The following ATP8B4 variants were observed in gnomAD, a reference collection of about 807,000 sequenced individuals.
The protein encoded by ATP8B4 is probable phospholipid-transporting ATPase IM.
Under a neutral mutation model 145.6 loss-of-function variants are expected in ATP8B4, and 133 were observed. The ratio of observed to expected loss-of-function variants is 0.91; its 90% CI spans 0.79 to 1.05. The LOEUF (loss-of-function observed/expected upper bound fraction) is 1.05. Among genes scored for constraint, ATP8B4 ranks in the 50% least tolerant of loss-of-function variants. The probability of loss-of-function intolerance (pLI) is 0.00; values close to 1 mark genes in which losing one functional copy is unlikely to be tolerated. For synonymous variants in ATP8B4, 507 were observed against 492.9 expected, an observed-to-expected ratio of 1.03 and a Z score of -0.38; for missense variants, 1,458 against 1,425.2, an observed-to-expected ratio of 1.02 and a Z score of -0.37.
chr15:50,005,020 G>C (rs868527362), intron 7 of ATP8B4, among the ~76,000 whole-genome samples: 5 of 152,302 alleles, frequency 3.3e-5, no homozygotes, highest in South Asian at 2.1e-4. Context: ...CAGGAGTAAA[G>C]AAGAGGAAAG....
chr15:49,939,864 A>T (rs1299460958), intron 14 of ATP8B4, among the ~76,000 whole-genome samples: 1 of 152,162 alleles, frequency 6.6e-6, no homozygotes, highest in African/African-American at 2.4e-5. Context: ...ACCATCTCAC[A>T]CCAGTCAGAA....
intron 20 of ATP8B4, among the ~76,000 whole-genome samples, chr15:49,901,595 G>A (rs897732658): frequency 2.6e-5 from 4 of 152,162 alleles, no homozygotes; most frequent in African/African-American, 9.7e-5. Context: ...TATCTGGCAG[G>A]CATGCTGTTA....
At chr15:49,944,189 CA>C (rs1363752747) in intron 14 of ATP8B4, among the ~76,000 whole-genome samples, 3 of 151,930 alleles carry the variant, frequency 2.0e-5, no homozygotes, top group Non-Finnish European at 4.4e-5. Flanking sequence ...AAATGAGTAA[CA>C]AAATGGTAAT....
rs1261006153 is a variant in ATP8B4, at chr15:50,176,549, T to G, written c.-43+5712A>C. ...ATATTTTTTAAATTAAATTAAAAAATAAAAAACAAAATAAATAATAAAATC... is the reference window on the plus strand; with the variant it reads ...ATATTTTTTAAATTAAATTAAAAAAGAAAAAACAAAATAAATAATAAAATC... On this transcript the variant is annotated intron_variant, in intron 1 of 3. Coordinates refer to the ATP8B4 transcript ENST00000558829. 2.6e-5 allele frequency among the ~76,000 whole-genome samples: 4 copies of G among 151,718 alleles called. No individual in the cohort carries two copies. The East Asian group carries it at 7.7e-4, about 29-fold the overall frequency.
rs1241313246 is a variant in ATP8B4 at position 49,876,480 on chromosome 15, T to G, written c.2825A>C (p.Lys942Thr). Reference protein sequence around the residue: ...QNSVDCPQLYKPGQLNLLFNK... With the variant: ...QNSVDCPQLYTPGQLNLLFNK... The stretch of plus-strand genomic sequence containing the variant: ...AAAAAGCAGATTCAGCTGTCCTGGT[T>G]TGTAGAGCTGGGGACAGTCCACGCT... Residue 942 changes from lysine to threonine, a missense_variant, in exon 25 of 28, where the codon AAA becomes ACA. Transcript: ENST00000284509. 16 of 1,613,994 alleles carry G rather than the reference T, an allele frequency of 9.9e-6. No homozygotes were observed. The Admixed American group carries it at 1.3e-4, about 13-fold the overall frequency.
chr15:49,882,516 A>G (rs1048068232), intron 23 of ATP8B4, among the ~76,000 whole-genome samples: 3 of 152,264 alleles, frequency 2.0e-5, no homozygotes, highest in Non-Finnish European at 4.4e-5. Context: ...TAAAGACATT[A>G]TCATGTATCG....
At chr15:49,901,755 A>AT in intron 20 of ATP8B4, 1 of 407,630 alleles carries the variant, frequency 2.5e-6, no homozygotes, top group Non-Finnish European at 4.7e-6. Context: ...TTTTAAAAAA[A>AT]ATTTAACAAG....
intron 12 of ATP8B4, among the ~76,000 whole-genome samples, chr15:49,977,928 C>G (rs544298007): frequency 6.6e-6 from 1 of 152,162 alleles, no homozygotes; most frequent in African/African-American, 2.4e-5. Flanking sequence ...GCACTTTCTC[C>G]AAGGTCACAC....
At chr15:50,153,976 A>G (rs2044381649) in intron 1 of ATP8B4, among the ~76,000 whole-genome samples, 2 of 152,302 alleles carry the variant, frequency 1.3e-5, no homozygotes, top group Middle Eastern at 3.4e-3. Flanking sequence ...AGAGGACCAA[A>G]TTTTTAGTTT....
At chr15:49,967,103 C>T (rs1034131302) in intron 13 of ATP8B4, among the ~76,000 whole-genome samples, 8 of 152,126 alleles carry the variant, frequency 5.3e-5, no homozygotes, top group African/African-American at 9.7e-5. Context: ...CCACACAAAA[C>T]GCCATCTGAA....
At chr15:49,940,427 AG>A (rs1366476955) in intron 14 of ATP8B4, among the ~76,000 whole-genome samples, 6 of 152,190 alleles carry the variant, frequency 3.9e-5, no homozygotes, top group Non-Finnish European at 7.4e-5. Flanking sequence ...TAAGGGTTGA[AG>A]AACTACCTAT....
intron 7 of ATP8B4, among the ~76,000 whole-genome samples, chr15:50,009,945 T>C (rs2048601871): frequency 6.6e-6 from 1 of 152,158 alleles, no homozygotes; most frequent in Non-Finnish European, 1.5e-5. Context: ...GTCTCCTTAG[T>C]GTGGGTTGTT....
chr15:49,872,101 T>C (rs1050839809), intron 25 of ATP8B4, among the ~76,000 whole-genome samples: 2 of 152,212 alleles, frequency 1.3e-5, no homozygotes, highest in African/African-American at 2.4e-5. Flanking sequence ...TTCCCAACTA[T>C]GCCTAACTAC....
rs921329146 is a variant in ATP8B4 at position 50,074,095 on chromosome 15, T to C, written c.87+32A>G. ...CACTGTCTTTAGGTAAGACCTATCCTAGTACGTATGTGTTATGTGTGTTTC... is the reference window on the plus strand; with the variant it reads ...CACTGTCTTTAGGTAAGACCTATCCCAGTACGTATGTGTTATGTGTGTTTC... On this transcript the variant is annotated intron_variant, in intron 3 of 27. Coordinates refer to ENST00000284509, the MANE Select transcript of ATP8B4 (RefSeq NM_024837.4). 4.4e-6 allele frequency: 7 copies of C among 1,589,278 alleles called. No homozygotes were observed. In the African/African-American group the frequency reaches 9.4e-5, roughly 21 times the overall value.
intron 2 of ATP8B4, among the ~76,000 whole-genome samples, chr15:50,086,430 TA>T (rs1383567308): frequency 0.018 from 418 of 22,970 alleles, 186 homozygotes; most frequent in African/African-American, 0.17. Flanking sequence ...TAGAGATCTA[TA>T]ATTATATATA....
At chr15:49,931,047 G>A in intron 16 of ATP8B4, 72 bp downstream of exon 16, 1 of 1,465,704 alleles carries the variant, frequency 6.8e-7, no homozygotes, top group Non-Finnish European at 9.2e-7. Flanking sequence ...AGCCAAAAGT[G>A]AAATTAATCC....
chr15:50,100,719 CAAG>C (rs1246426797), intron 2 of ATP8B4, among the ~76,000 whole-genome samples: 4 of 152,046 alleles, frequency 2.6e-5, no homozygotes, highest in African/African-American at 9.7e-5. Context: ...GTAACAAGTC[CAAG>C]AAGAAGTGAC....
intron 20 of ATP8B4, 138 bp from the exon 21 acceptor site, chr15:49,901,377 A>T: frequency 1.1e-6 from 1 of 891,230 alleles, no homozygotes; most frequent in South Asian, 2.0e-5. Flanking sequence ...AGTTTCAGTA[A>T]GCAAGCTGGA....
intron 3 of ATP8B4, among the ~76,000 whole-genome samples, chr15:50,057,844 T>C (rs2052715642): frequency 6.6e-6 from 1 of 152,236 alleles, no homozygotes; most frequent in Non-Finnish European, 1.5e-5. Context: ...TGGATAATTA[T>C]CAGGGGAACA....
Sources: allele counts gnomAD v4.1 joint callset (sites outside exome capture counted in the v4.1 genomes callset), GRCh38; gene constraint gnomAD v4.1.1; transcripts MANE v1.5; gene names NCBI Gene and HGNC (gene_info 2026-07-23, HGNC 2026-07-21).